Variants in SNF8 observed in about 807,000 individuals in gnomAD.
SNF8 encodes the protein SNF8 subunit of ESCRT-II.
SNF8 carries 19 observed loss-of-function variants against 36.8 expected under a neutral mutation model. That is an observed-to-expected ratio of 0.52 (90% confidence interval 0.36 to 0.76). The LOEUF (loss-of-function observed/expected upper bound fraction) is 0.76, where lower values mean the gene tolerates loss of function less well. SNF8 is among the 30% of genes least tolerant of loss of function. The pLI is 0.00. For synonymous variants in SNF8, 127 were observed against 127.4 expected (o/e 1.00, Z 0.02); for missense variants, 268 against 322.9 (o/e 0.83, Z 1.30).
Position 48,931,693 on chromosome 17 carries a change from C to T in SNF8, c.589G>A (p.Glu197Lys). The change falls in exon 7 of 8, where the codon GAG becomes AAG. Residue 197 changes from glutamate (E) to lysine (K), a missense_variant. Glu to Lys is a moderately conservative substitution (Grantham distance 56). Coordinates refer to ENST00000502492, the MANE Select transcript of SNF8 (RefSeq NM_007241.4). ...AEKNGYVTVS[E>K]IKASLKWETE... is the part of the protein sequence containing the mutation. ...TCCCATTTAAGACTGGCTTTGATCT[C>T]ACTGACAGTCACGTAGCCATTCTTC... 1 of 1,613,322 alleles carries T rather than the reference C, an allele frequency of 6.2e-7. No homozygotes were observed. Among genetic ancestry groups the T allele is most frequent in the Non-Finnish European group, 8.5e-7 (1 of 1,179,658 alleles).
In SNF8 at chr17:48,944,818, G is replaced by A; in HGVS notation, c.-84C>T. 1.4e-6 allele frequency: 2 copies of A among 1,420,688 alleles called. No homozygotes were observed. Among genetic ancestry groups the A allele is most frequent in the Non-Finnish European group, 1.8e-6 (2 of 1,098,672 alleles). 88.0% of individuals were successfully genotyped at this position (1,420,688 alleles called of 1,614,324 possible). A position where few individuals can be genotyped will look rare whatever the true frequency, so the allele number is the denominator to read the frequency against. On this transcript the variant is annotated 5_prime_UTR_variant, in exon 1 of 8. Transcript: ENST00000502492. ...ACTCCGCCGCCGGCTCCCCAAGGCG[G>A]AAGCCCGAGCCGCGCGTCATCTGCA...
chr17:48,932,853 T>C (rs1441168382), intron 6 of SNF8: 5 of 190,566 alleles, frequency 2.6e-5, no homozygotes, highest in Non-Finnish European at 5.4e-5. Context: ...GCAAACAAGA[T>C]TTTTTAAAAT....
chr17:48,936,522 A>G, intron 4 of SNF8: 1 of 343,016 alleles, frequency 2.9e-6, no homozygotes, highest in Non-Finnish European at 5.4e-6. Flanking sequence ...GTGTCTATTT[A>G]TAGTTGATGA....
intron 3 of SNF8, among the ~76,000 whole-genome samples, chr17:48,939,750 G>A (rs138683978): frequency 0.01 from 1,522 of 151,418 alleles, 25 homozygotes; most frequent in African/African-American, 0.035. Context: ...GAGCCACCGC[G>A]CCCGGTGAAT....
chr17:48,936,355 AT>A (rs3215074), intron 4 of SNF8, 113 bp from the exon 5 acceptor site: 329,089 of 687,840 alleles, frequency 0.48, 85,860 homozygotes, highest in East Asian at 0.71. Flanking sequence ...CTAGTTCCTA[AT>A]TTTTTTTTAA....
intron 3 of SNF8, among the ~76,000 whole-genome samples, chr17:48,939,278 A>AC (rs2040984078): frequency 6.6e-6 from 1 of 150,918 alleles, no homozygotes; most frequent in South Asian, 2.1e-4. Flanking sequence ...AAAAAAAAAA[A>AC]AAAAAACACT....
Position 48,940,831 on chromosome 17 carries a change from G to T in SNF8, c.244+93C>A. On this transcript the variant is annotated intron_variant, in intron 3 of 7. Transcript: ENST00000502492. ...CTGGGTCTTCCTGCAGGCCTTTCTA[G>T]TGGATGCCCCAACAGTGGTAACAAC... 4 of 1,437,420 alleles carry T rather than the reference G, an allele frequency of 2.8e-6. No homozygotes were observed. The South Asian group carries it at 3.8e-5, about 14-fold the overall frequency. The allele number at this position is 1,437,420 out of a possible 1,614,324, so 89.0% of individuals were successfully genotyped here. A position where few individuals can be genotyped will look rare whatever the true frequency, so the allele number is the denominator to read the frequency against.
intron 7 of SNF8, among the ~76,000 whole-genome samples, chr17:48,930,845 A>G (rs4793992): frequency 0.41 from 62,593 of 152,170 alleles, 15,431 homozygotes; most frequent in East Asian, 0.71. Flanking sequence ...AAGAGGGGTA[A>G]AGCCTAGCAT....
chr17:48,933,626 T>TGGGAGGCTGAGGC, intron 5 of SNF8: 1 of 337,370 alleles, frequency 3.0e-6, no homozygotes, highest in Non-Finnish European at 5.6e-6. Context: ...CTATAATCCT[T>TGGGAGGCTGAGGC]GGGAGGCTGA....
chr17:48,937,157 G>A (rs978772273), intron 3 of SNF8, 33 bp from the exon 4 acceptor site: 5 of 1,482,672 alleles, frequency 3.4e-6, no homozygotes, highest in Non-Finnish European at 4.7e-6. Context: ...CTCGGTTATT[G>A]ATTAATTTAC....
chr17:48,930,601 C>T lies in SNF8; in HGVS notation c.651G>A (p.Leu217=), dbSNP rs2270576. The change falls in exon 8 of 8, where the codon CTG becomes CTA. Residue 217 remains leucine (L), a synonymous_variant. Transcript: ENST00000502492. ...ERARQVLEHL[L]KEGLAWLDLQ... is the part of the protein sequence containing the mutation. Reference sequence around the variant, plus strand: ...AGTCCAGCCACGCCAACCCTTCCTTCAGCAGGTGTTCCTGGAGGGAAAAGG... The same window carrying T: ...AGTCCAGCCACGCCAACCCTTCCTTTAGCAGGTGTTCCTGGAGGGAAAAGG... The T allele has an allele frequency of 0.29, 459,963 of 1,612,622 alleles. 67,538 individuals are homozygous for T. Among genetic ancestry groups the T allele is most frequent in the Admixed American group, 0.42 (24,957 of 59,796 alleles).
At chr17:48,938,811 T>G (rs2040977091) in intron 3 of SNF8, among the ~76,000 whole-genome samples, 1 of 147,952 alleles carries the variant, frequency 6.8e-6, no homozygotes, top group African/African-American at 2.5e-5. Flanking sequence ...AGGCGGAGGT[T>G]GCAGTTAACC....
intron 5 of SNF8, among the ~76,000 whole-genome samples, chr17:48,934,933 C>G (rs2040912651): frequency 6.6e-6 from 1 of 152,120 alleles, no homozygotes; most frequent in African/African-American, 2.4e-5. Context: ...TCAAAAACAG[C>G]CTTTTATCTT....
intron 2 of SNF8, among the ~76,000 whole-genome samples, chr17:48,942,269 G>A (rs896445072): frequency 1.1e-4 from 17 of 151,460 alleles, no homozygotes; most frequent in African/African-American, 3.6e-4. Flanking sequence ...ATTCTTAGGC[G>A]GAGGTTGCAG....
At chr17:48,940,094 T>C (rs991424557) in intron 3 of SNF8, among the ~76,000 whole-genome samples, 2 of 61,944 alleles carry the variant, frequency 3.2e-5, no homozygotes, top group African/African-American at 8.2e-5. Flanking sequence ...AAAAAAAAAA[T>C]TTTTTTTTTA....
intron 2 of SNF8, among the ~76,000 whole-genome samples, chr17:48,941,495 A>G (rs553973737): frequency 6.6e-6 from 1 of 152,156 alleles, no homozygotes; most frequent in African/African-American, 2.4e-5. Context: ...TTCACCCATT[A>G]GAAAATCTTT....
chr17:48,933,371 C>G (rs369597325), intron 5 of SNF8, 25 bp from the exon 6 acceptor site: 3 of 1,613,566 alleles, frequency 1.9e-6, no homozygotes. Context: ...AGTTGCTTAA[C>G]GACCCTTGGC....
chr17:48,941,625 C>T (rs2041026325), intron 2 of SNF8, among the ~76,000 whole-genome samples: 2 of 152,068 alleles, frequency 1.3e-5, no homozygotes, highest in African/African-American at 4.8e-5. Context: ...CAACGGATCA[C>T]TTGAGCCCAG....
At chr17:48,944,173 G>A (rs575724063) in intron 1 of SNF8, 198 bp from the exon 2 acceptor site, 1 of 511,970 alleles carries the variant, frequency 2.0e-6, no homozygotes, top group African/African-American at 1.9e-5. Flanking sequence ...GTGGTGGTGG[G>A]CGCCTGTAGT....
Sources: gnomAD v4.1 joint callset for allele counts (sites outside exome capture counted in the v4.1 genomes callset) on GRCh38, gnomAD v4.1.1 for gene constraint, MANE v1.5 for transcripts, NCBI Gene and HGNC (gene_info 2026-07-23, HGNC 2026-07-21) for gene names.